Variants in ELK3 observed in about 807,000 individuals in gnomAD.
ELK3 encodes the protein ETS transcription factor ELK3.
A neutral mutation model predicts 28.9 loss-of-function variants in ELK3; 10 were observed. The ratio of observed to expected loss-of-function variants is 0.35; its 90% CI spans 0.21 to 0.59. The LOEUF (loss-of-function observed/expected upper bound fraction) is 0.59. ELK3 is among the 20% of genes least tolerant of loss of function. ELK3 has a pLI of 0.82. For synonymous variants in ELK3, 272 were observed against 243.5 expected (o/e 1.12, Z -1.09); for missense variants, 463 against 517.3 (o/e 0.90, Z 1.02).
chr12:96,215,473 G>A (rs2137008634), intron 1 of ELK3, among the ~76,000 whole-genome samples: 1 of 152,212 alleles, frequency 6.6e-6, no homozygotes, highest in African/African-American at 2.4e-5. Flanking sequence ...CGTGTCATGT[G>A]ACCTGACAGC....
At chr12:96,207,244 A>T (rs1234998045) in intron 1 of ELK3, among the ~76,000 whole-genome samples, 1 of 152,214 alleles carries the variant, frequency 6.6e-6, no homozygotes, top group Admixed American at 6.5e-5. Flanking sequence ...GGTGCTGTAT[A>T]CTTAGAATCC....
At chr12:96,210,597 A>ACACACACACACC (rs1416746905) in intron 1 of ELK3, among the ~76,000 whole-genome samples, 48 of 149,062 alleles carry the variant, frequency 3.2e-4, no homozygotes, top group East Asian at 5.9e-4. Context: ...ACACACACAC[A>ACACACACACACC]CCCCGAGTGG....
intron 4 of ELK3, among the ~76,000 whole-genome samples, chr12:96,264,111 G>A (rs1416307269): frequency 6.6e-6 from 1 of 152,136 alleles, no homozygotes; most frequent in East Asian, 1.9e-4. Context: ...CAAGTAGCTG[G>A]GACTACAACT....
chr12:96,195,294 C>T (rs1416639008), intron 1 of ELK3, among the ~76,000 whole-genome samples: 2 of 152,186 alleles, frequency 1.3e-5, no homozygotes, highest in Non-Finnish European at 2.9e-5. Flanking sequence ...GGGCTGCGTC[C>T]ACTCTCGCTT....
At chr12:96,250,533 T>G (rs145467393) in intron 3 of ELK3, among the ~76,000 whole-genome samples, 304 of 152,322 alleles carry the variant, frequency 2.0e-3, no homozygotes, top group African/African-American at 6.9e-3. Flanking sequence ...ACCAGCTCAG[T>G]AGTTTGTCTT....
intron 1 of ELK3, among the ~76,000 whole-genome samples, chr12:96,221,564 G>A (rs1016303989): frequency 2.0e-5 from 3 of 152,194 alleles, no homozygotes; most frequent in Admixed American, 1.3e-4. Flanking sequence ...GACATGTTTG[G>A]CCAAGAAAAT....
chr12:96,218,455 G>A (rs989825171), intron 1 of ELK3, among the ~76,000 whole-genome samples: 2 of 152,078 alleles, frequency 1.3e-5, no homozygotes, highest in Admixed American at 6.6e-5. Context: ...ATAGACTGGG[G>A]ACTCCAAAAG....
At position 96,229,418 on chromosome 12, in the gene ELK3, G is replaced by A. The variant is rs558873021; in HGVS notation, c.207+5645G>A. Among the ~76,000 whole-genome samples, 11 of 152,166 alleles carry A rather than the reference G, an allele frequency of 7.2e-5. No homozygotes were observed. In the East Asian group the frequency reaches 1.7e-3, roughly 24 times the overall value. On this transcript the variant is annotated intron_variant, in intron 2 of 4. Transcript: ENST00000228741. Reference sequence around the variant, plus strand: ...CTTTCTTGGCCTCTCCCCAGCCCCGGGCTTGCCAGCAGTCCCTGGCGTGCC... The same window carrying A: ...CTTTCTTGGCCTCTCCCCAGCCCCGAGCTTGCCAGCAGTCCCTGGCGTGCC...
intron 2 of ELK3, among the ~76,000 whole-genome samples, chr12:96,240,048 G>A (rs995100938): frequency 2.6e-5 from 4 of 152,306 alleles, no homozygotes; most frequent in Middle Eastern, 3.4e-3. Context: ...TAAGGTTTTC[G>A]TCACAGTGGA....
chr12:96,258,059 TG>T (rs1951964931), intron 3 of ELK3, among the ~76,000 whole-genome samples: 1 of 152,208 alleles, frequency 6.6e-6, no homozygotes, highest in Admixed American at 6.5e-5. Flanking sequence ...CCCTGTAACG[TG>T]GGCATTTTTA....
intron 2 of ELK3, among the ~76,000 whole-genome samples, chr12:96,229,861 T>C (rs1592679927): frequency 1.3e-5 from 2 of 152,074 alleles, no homozygotes; most frequent in Admixed American, 6.5e-5. Context: ...ATACCGGTCA[T>C]TGGATTAGGG....
chr12:96,234,647 C>A (rs559158290), intron 2 of ELK3, among the ~76,000 whole-genome samples: 105 of 152,334 alleles, frequency 6.9e-4, no homozygotes, highest in Non-Finnish European at 1.2e-3. Flanking sequence ...AAGCCAGGCA[C>A]TGTGCTAGGT....
intron 4 of ELK3, among the ~76,000 whole-genome samples, chr12:96,263,201 G>C (rs2367900): frequency 5.3e-5 from 8 of 152,070 alleles, no homozygotes; most frequent in Non-Finnish European, 1.0e-4. Flanking sequence ...TAGCAGATAT[G>C]AAAGAATTCC....
Position 96,252,921 on chromosome 12 carries a change from G to T in ELK3, c.1002+5187G>T, listed in dbSNP as rs571439751. 2.3e-3 allele frequency among the ~76,000 whole-genome samples: 343 copies of T among 152,358 alleles called. 1 individual carries two copies. Among genetic ancestry groups the T allele is most frequent in the Admixed American group, 5.9e-3 (90 of 15,304 alleles). ...AAAGAAGTTCTACTCTGGGTAAAAT[G>T]CTATCAAACAGCATCACATGCCATA... is the stretch of plus-strand genomic sequence containing the variant. On this transcript the variant is annotated intron_variant, in intron 3 of 4. Coordinates refer to ENST00000228741, the MANE Select transcript of ELK3 (RefSeq NM_005230.4).
At chr12:96,208,867 G>A (rs554666321) in intron 1 of ELK3, among the ~76,000 whole-genome samples, 21 of 152,308 alleles carry the variant, frequency 1.4e-4, no homozygotes, top group Non-Finnish European at 1.5e-5. Context: ...GGTGCAGCTG[G>A]GCCAGGGAAA....
intron 1 of ELK3, among the ~76,000 whole-genome samples, chr12:96,203,010 G>C (rs992097641): frequency 6.6e-6 from 1 of 152,112 alleles, no homozygotes; most frequent in Non-Finnish European, 1.5e-5. Context: ...AGCCTCCCAA[G>C]TAGCTGGGAC....
chr12:96,255,872 C>T (rs1230252294), intron 3 of ELK3, among the ~76,000 whole-genome samples: 1 of 152,086 alleles, frequency 6.6e-6, no homozygotes, highest in Non-Finnish European at 1.5e-5. Context: ...CAAATAAAAC[C>T]CATCTGATGA....
chr12:96,196,676 AC>A (rs898761482), intron 1 of ELK3, among the ~76,000 whole-genome samples: 1 of 149,828 alleles, frequency 6.7e-6, no homozygotes, highest in African/African-American at 2.5e-5. Flanking sequence ...CTGCCTAGAA[AC>A]CCCCCTGAGT....
At chr12:96,230,421 G>A (rs1201297138) in intron 2 of ELK3, among the ~76,000 whole-genome samples, 2 of 152,160 alleles carry the variant, frequency 1.3e-5, no homozygotes, top group Admixed American at 1.3e-4. Flanking sequence ...AAAGGAGAGT[G>A]TTGGTTTCCC....
Sources: allele counts gnomAD v4.1 joint callset (sites outside exome capture counted in the v4.1 genomes callset), GRCh38; gene constraint gnomAD v4.1.1; transcripts MANE v1.5; gene names NCBI Gene and HGNC (gene_info 2026-07-23, HGNC 2026-07-21).